CUX2: variants seen among roughly 807,000 people sequenced by gnomAD.
CUX2 encodes the protein homeobox protein cut-like 2.
In CUX2, 40 loss-of-function variants were observed where a neutral mutation model predicts 144.8. The observed-to-expected ratio is 0.28, with a 90% confidence interval of 0.21 to 0.36. The LOEUF (loss-of-function observed/expected upper bound fraction) is 0.36. Among genes scored for constraint, CUX2 ranks in the 10% least tolerant of loss-of-function variants. The pLI is 1.00. For missense variants in CUX2, 1,615 were observed against 1,994.0 expected (o/e 0.81, Z 3.62); for synonymous variants, 827 against 875.6 (o/e 0.94, Z 0.98).
At chr12:111,098,562 C>A (rs537559493) in intron 1 of CUX2, among the ~76,000 whole-genome samples, 1 of 152,318 alleles carries the variant, frequency 6.6e-6, no homozygotes, top group East Asian at 1.9e-4. Context: ...GCTGCCTTGC[C>A]AGCATTTCTC....
chr12:111,144,506 C>A (rs1319272005), intron 1 of CUX2, among the ~76,000 whole-genome samples: 2 of 152,202 alleles, frequency 1.3e-5, no homozygotes, highest in Admixed American at 1.3e-4. Context: ...TCCCCTGACC[C>A]CAGATCCCCA....
chr12:111,254,283 T>G (rs958917936), intron 3 of CUX2, among the ~76,000 whole-genome samples: 1 of 152,204 alleles, frequency 6.6e-6, no homozygotes, highest in African/African-American at 2.4e-5. Context: ...TAAGGATCAC[T>G]ATGTATTTAG....
intron 3 of CUX2, among the ~76,000 whole-genome samples, chr12:111,236,485 A>G (rs990839113): frequency 1.3e-5 from 2 of 152,208 alleles, no homozygotes; most frequent in African/African-American, 4.8e-5. Flanking sequence ...CGATCAGCGC[A>G]GGGGCCTCAG....
intron 1 of CUX2, among the ~76,000 whole-genome samples, chr12:111,116,241 A>G (rs1874298825): frequency 1.3e-5 from 2 of 152,250 alleles, no homozygotes; most frequent in Admixed American, 6.5e-5. Context: ...TGTTGCTTTC[A>G]CAGCATCAGT....
chr12:111,260,193 G>A (rs562548331), intron 3 of CUX2, among the ~76,000 whole-genome samples: 1 of 150,220 alleles, frequency 6.7e-6, no homozygotes, highest in South Asian at 2.1e-4. Context: ...TGCCGGGCGC[G>A]GTGGCTCACA....
At chr12:111,208,590 C>A (rs1298384904) in intron 1 of CUX2, among the ~76,000 whole-genome samples, 1 of 152,098 alleles carries the variant, frequency 6.6e-6, no homozygotes, top group Non-Finnish European at 1.5e-5. Flanking sequence ...GGGTGGGTAA[C>A]CAAAAGTATC....
rs760583393 is a variant in CUX2, at chr12:111,291,455, C to T, written c.339C>T (p.Asp113=). Residue 113 remains aspartate, a synonymous_variant, in exon 5 of 22, where the codon GAC becomes GAT. Coordinates refer to ENST00000261726, the MANE Select transcript of CUX2 (RefSeq NM_015267.4). ...VPVFEAARSL[D]DRLQPPSFDP... ...TGTTTGAGGCGGCACGCAGCCTAGA[C>T]GACAGACTGCAGCCCCCCAGCTTTG... is the stretch of plus-strand genomic sequence containing the variant. 11 of 1,612,648 alleles carry T rather than the reference C, an allele frequency of 6.8e-6. No homozygotes were observed. Among genetic ancestry groups the T allele is most frequent in the South Asian group, 6.6e-5 (6 of 90,612 alleles).
At chr12:111,044,076 C>T (rs1012034369) in intron 1 of CUX2, among the ~76,000 whole-genome samples, 7 of 152,210 alleles carry the variant, frequency 4.6e-5, no homozygotes, top group African/African-American at 1.7e-4. Flanking sequence ...AAACAACCTT[C>T]CTCCTGTCCT....
intron 1 of CUX2, among the ~76,000 whole-genome samples, chr12:111,182,994 A>G (rs1038439697): frequency 5.3e-5 from 8 of 152,266 alleles, no homozygotes; most frequent in Admixed American, 2.0e-4. Flanking sequence ...TCCTCCTTCA[A>G]TCTGCCCGGG....
rs908000789 is a variant in CUX2 at position 111,312,019 on chromosome 12, G to A, written c.1901-81G>A. 14 of 1,227,124 alleles carry A rather than the reference G, an allele frequency of 1.1e-5. No homozygotes were observed. The highest frequency in any genetic ancestry group is 6.6e-5 in the Admixed American group (3 of 45,794). The allele number at this position is 1,227,124 out of a possible 1,614,324, so 76.0% of individuals were successfully genotyped here. On this transcript the variant is annotated intron_variant, in intron 15 of 21. Transcript: ENST00000261726. The surrounding 1 kb of genome is among the most constrained non-coding windows in gnomAD (Gnocchi z 4.3). ...GACCCTCACTCTTCTGGGAGGAGGA[G>A]ACAGCCCCCCTACCCCACCAGGCTC...
At chr12:111,323,229 C>T (rs1343053879) in intron 18 of CUX2, among the ~76,000 whole-genome samples, 1 of 152,186 alleles carries the variant, frequency 6.6e-6, no homozygotes, top group Non-Finnish European at 1.5e-5. Context: ...CAGACCTGCC[C>T]ACTGAGAAGG....
intron 3 of CUX2, among the ~76,000 whole-genome samples, chr12:111,244,450 G>A (rs1565869673): frequency 6.6e-6 from 1 of 152,216 alleles, no homozygotes; most frequent in Non-Finnish European, 1.5e-5. Flanking sequence ...GTGCTCATGA[G>A]CTTGGGTTCA....
At chr12:111,197,016 G>A (rs1880282340) in intron 1 of CUX2, among the ~76,000 whole-genome samples, 1 of 152,128 alleles carries the variant, frequency 6.6e-6, no homozygotes, top group Admixed American at 6.5e-5. Flanking sequence ...GAGAAGAGGG[G>A]ATTTAAATTG....
At position 111,039,721 on chromosome 12, in the gene CUX2, G is replaced by T. The variant is rs987405504; in HGVS notation, c.63+5481G>T. ...TAATTTTTGTATTTTTAGTAGAGAC[G>T]GGGTTTTGCAGTGTTGACCAGGCTG... is the stretch of plus-strand genomic sequence containing the variant. On this transcript the variant is annotated intron_variant, in intron 1 of 21. Transcript: ENST00000261726. This position sits in a 1 kb window ranked among gnomAD's most constrained non-coding sequence, Gnocchi z 4.2. 1.3e-5 allele frequency among the ~76,000 whole-genome samples: 2 copies of T among 152,044 alleles called. No homozygotes were observed. Among genetic ancestry groups the T allele is most frequent in the African/African-American group, 4.8e-5 (2 of 41,390 alleles).
chr12:111,303,840 T>C (rs1886440627), intron 9 of CUX2, among the ~76,000 whole-genome samples: 1 of 151,960 alleles, frequency 6.6e-6, no homozygotes, highest in Non-Finnish European at 1.5e-5. Context: ...GACAGAAGTA[T>C]CTAGAAATGT....
rs1471290201 is a variant in CUX2 at position 111,347,248 on chromosome 12, C to T, written c.3660-276C>T. On this transcript the variant is annotated intron_variant, in intron 21 of 21. Transcript: ENST00000261726. Reference sequence around the variant, plus strand: ...ATCATGAGCTTTGGGATTCAGTAGTCGTGTGTTCAAGTCTCGGTTCTGCCA... The same window carrying T: ...ATCATGAGCTTTGGGATTCAGTAGTTGTGTGTTCAAGTCTCGGTTCTGCCA... Among the ~76,000 whole-genome samples, 3 of 152,110 alleles carry T rather than the reference C, an allele frequency of 2.0e-5. No homozygotes were observed. The East Asian group carries it at 5.8e-4, about 29-fold the overall frequency.
intron 1 of CUX2, among the ~76,000 whole-genome samples, chr12:111,062,399 G>A (rs968809310): frequency 1.3e-5 from 2 of 152,194 alleles, no homozygotes. Flanking sequence ...CAGATAAAAT[G>A]ATGTCATGTA....
At chr12:111,276,688 C>G (rs1019055385) in intron 4 of CUX2, among the ~76,000 whole-genome samples, 1 of 152,146 alleles carries the variant, frequency 6.6e-6, no homozygotes, top group African/African-American at 2.4e-5. Context: ...GAGCCTCACT[C>G]TGTTGCCCAG....
At chr12:111,278,504 C>A (rs927004905) in intron 4 of CUX2, among the ~76,000 whole-genome samples, 1 of 152,152 alleles carries the variant, frequency 6.6e-6, no homozygotes, top group African/African-American at 2.4e-5. Flanking sequence ...CACAGAGATG[C>A]CCCCATGGAA....
Sources: gnomAD v4.1 joint callset for allele counts (sites outside exome capture counted in the v4.1 genomes callset) on GRCh38, gnomAD v4.1.1 for gene constraint, Gnocchi (gnomAD v3.1) non-coding constraint, MANE v1.5 for transcripts, NCBI Gene and HGNC (gene_info 2026-07-23, HGNC 2026-07-21) for gene names.